C8orf34: variants seen among roughly 807,000 people sequenced by gnomAD.
The protein encoded by C8orf34 is chromosome 8 open reading frame 34.
Under a neutral mutation model 68.3 loss-of-function variants are expected in C8orf34, and 65 were observed. That is an observed-to-expected ratio of 0.95 (90% confidence interval 0.78 to 1.17). The LOEUF is 1.17. Among genes scored for constraint, C8orf34 ranks in the 50% most tolerant of loss-of-function variants. The probability of loss-of-function intolerance (pLI) is 0.00; values close to 1 mark genes in which losing one functional copy is unlikely to be tolerated. For synonymous variants in C8orf34, 244 were observed against 241.2 expected (o/e 1.01, Z -0.11); for missense variants, 664 against 655.4 (o/e 1.01, Z -0.14).
intron 4 of C8orf34, among the ~76,000 whole-genome samples, chr8:68,480,601 G>A (rs1563474696): frequency 2.0e-5 from 3 of 152,294 alleles, no homozygotes; most frequent in Middle Eastern, 3.4e-3. Context: ...CAAAAATACC[G>A]ATAGTGATAT....
intron 1 of C8orf34, among the ~76,000 whole-genome samples, chr8:68,415,368 T>C (rs1387373405): frequency 1.3e-5 from 2 of 152,022 alleles, no homozygotes; most frequent in African/African-American, 2.4e-5. Flanking sequence ...TAATCCCAGC[T>C]ACTCAGCAGG....
chr8:68,767,859 G>A (rs984719748), intron 10 of C8orf34, among the ~76,000 whole-genome samples: 1 of 152,082 alleles, frequency 6.6e-6, no homozygotes, highest in African/African-American at 2.4e-5. Flanking sequence ...AGCAGCCAGT[G>A]ATACTAAATA....
In C8orf34 at chr8:68,408,315, G is replaced by A. The variant is rs143440994; in HGVS notation, c.328-31184G>A. Among the ~76,000 whole-genome samples the A allele has an allele frequency of 6.3e-3, 956 of 151,308 alleles. 14 individuals are homozygous for A. The highest frequency in any genetic ancestry group is 0.022 in the African/African-American group (901 of 41,172). Reference sequence around the variant, plus strand: ...TATTATGATGGGTTGTATAATTATTGTATTATATATTATAATGTAATAATA... The same window carrying A: ...TATTATGATGGGTTGTATAATTATTATATTATATATTATAATGTAATAATA... On this transcript the variant is annotated intron_variant, in intron 1 of 13. Coordinates refer to ENST00000518698, the MANE Select transcript of C8orf34 (RefSeq NM_052958.4).
At chr8:68,704,699 C>T (rs771274680) in intron 8 of C8orf34, among the ~76,000 whole-genome samples, 5 of 152,140 alleles carry the variant, frequency 3.3e-5, no homozygotes, top group Non-Finnish European at 5.9e-5. Context: ...TGATTATATA[C>T]TCATGTTAAG....
intron 7 of C8orf34, among the ~76,000 whole-genome samples, chr8:68,627,565 A>G (rs1818572879): frequency 1.3e-5 from 2 of 152,212 alleles, no homozygotes; most frequent in African/African-American, 2.4e-5. Flanking sequence ...TGTATGCAAT[A>G]TAATCTTTTG....
chr8:68,649,526 T>C (rs1819280481), intron 8 of C8orf34, among the ~76,000 whole-genome samples: 2 of 152,148 alleles, frequency 1.3e-5, no homozygotes, highest in African/African-American at 4.8e-5. Context: ...CCTTCAGAAA[T>C]ATTGGTATAC....
At chr8:68,633,701 C>A (rs1430830870) in intron 7 of C8orf34, among the ~76,000 whole-genome samples, 1 of 151,600 alleles carries the variant, frequency 6.6e-6, no homozygotes, top group Non-Finnish European at 1.5e-5. Context: ...TGGCACTGGG[C>A]TGGATATTGT....
chr8:68,525,506 G>T, intron 6 of C8orf34: 1 of 732,914 alleles, frequency 1.4e-6, no homozygotes. Flanking sequence ...TTGTAAGTAT[G>T]TATTACATCC....
At chr8:68,484,460 C>A (rs1225947876) in intron 4 of C8orf34, among the ~76,000 whole-genome samples, 4 of 152,186 alleles carry the variant, frequency 2.6e-5, no homozygotes, top group Non-Finnish European at 4.4e-5. Flanking sequence ...CATTAAGAGT[C>A]CTACCCTCAA....
intron 10 of C8orf34, among the ~76,000 whole-genome samples, chr8:68,725,873 T>C (rs1402726210): frequency 6.6e-6 from 1 of 152,216 alleles, no homozygotes; most frequent in African/African-American, 2.4e-5. Context: ...TATTAGGCTA[T>C]TATCAGTAGC....
At position 68,481,345 on chromosome 8, in the gene C8orf34, A is replaced by G. The variant is rs1812850554; in HGVS notation, c.737-6678A>G. ...AGATTGCTTCCATGGCGGGGCCCTCATGGATAACTCTACTAGGGCAGTGTG... is the reference window on the plus strand; with the variant it reads ...AGATTGCTTCCATGGCGGGGCCCTCGTGGATAACTCTACTAGGGCAGTGTG... On this transcript the variant is annotated intron_variant, in intron 4 of 13. Transcript: ENST00000518698. Among the ~76,000 whole-genome samples the G allele has an allele frequency of 7.6e-5, 6 of 79,470 alleles. No homozygotes were observed. The South Asian group carries it at 2.3e-3, about 31-fold the overall frequency. The allele number at this position is 79,470 out of a possible 152,430, so 52.1% of individuals were successfully genotyped here.
intron 8 of C8orf34, among the ~76,000 whole-genome samples, chr8:68,642,199 G>A (rs1215914149): frequency 6.6e-6 from 1 of 152,160 alleles, no homozygotes; most frequent in Non-Finnish European, 1.5e-5. Context: ...GAAGATGGAG[G>A]CCTAAAATAG....
chr8:68,783,146 G>A lies in C8orf34; in HGVS notation c.1456-4297G>A, dbSNP rs139236493. Among the ~76,000 whole-genome samples the A allele has an allele frequency of 3.7e-3, 556 of 152,012 alleles. 3 individuals carry two copies. Among genetic ancestry groups the A allele is most frequent in the African/African-American group, 0.013 (533 of 41,468 alleles). On this transcript the variant is annotated intron_variant, in intron 11 of 13. Transcript: ENST00000518698. ...TTTCTTTTGTAAAAGGAAAACGTGA[G>A]GGCCCCAAAATTACTAACCTAAAGG...
chr8:68,554,999 T>C (rs1816207457), intron 7 of C8orf34, among the ~76,000 whole-genome samples: 1 of 152,174 alleles, frequency 6.6e-6, no homozygotes. Context: ...GATCTGAAAA[T>C]ACTTGGCTTT....
chr8:68,790,922 T>C, intron 12 of C8orf34: 2 of 696,264 alleles, frequency 2.9e-6, no homozygotes, highest in South Asian at 3.0e-5. Context: ...AAAATTTCAA[T>C]GAGTCAGAGG....
At chr8:68,445,452 C>A (rs1385807976) in intron 2 of C8orf34, among the ~76,000 whole-genome samples, 1 of 152,090 alleles carries the variant, frequency 6.6e-6, no homozygotes, top group African/African-American at 2.4e-5. Context: ...AAAGATTGTT[C>A]TGTATAAAAA....
intron 1 of C8orf34, among the ~76,000 whole-genome samples, chr8:68,353,278 C>G (rs1004904956): frequency 6.6e-6 from 1 of 152,036 alleles, no homozygotes; most frequent in Non-Finnish European, 1.5e-5. Flanking sequence ...TGCACTCCCC[C>G]ACAAGGGATG....
rs1242128072 is a variant in C8orf34 at position 68,466,765 on chromosome 8, A to ATATATATATATATG, written c.608-1927_608-1926insTATATATATATATG. Among the ~76,000 whole-genome samples, 53 of 123,328 alleles carry ATATATATATATATG rather than the reference A, an allele frequency of 4.3e-4. 5 individuals carry two copies. Among genetic ancestry groups the ATATATATATATATG allele is most frequent in the African/African-American group, 5.6e-4 (18 of 32,074 alleles). The allele number at this position is 123,328 out of a possible 152,430, so 80.9% of individuals were successfully genotyped here. ...TATATATATATATATATATATATAT[A>ATATATATATATATG]GATGCTTTCATTTCTTTATGATGAC... On this transcript the variant is annotated intron_variant, in intron 3 of 13. Transcript: ENST00000518698.
At chr8:68,518,997 C>T (rs904227789) in intron 5 of C8orf34, among the ~76,000 whole-genome samples, 1 of 150,018 alleles carries the variant, frequency 6.7e-6, no homozygotes, top group East Asian at 2.0e-4. Context: ...TAGTTTTATT[C>T]TTTTCTCATA....
Sources: gnomAD v4.1 joint callset for allele counts (sites outside exome capture counted in the v4.1 genomes callset) on GRCh38, gnomAD v4.1.1 for gene constraint, MANE v1.5 for transcripts, NCBI Gene and HGNC (gene_info 2026-07-23, HGNC 2026-07-21) for gene names.